MBNL1: variants seen among roughly 807,000 people sequenced by gnomAD.
The protein encoded by MBNL1 is muscleblind-like protein 1.
MBNL1 carries 8 observed loss-of-function variants against 42.2 expected under a neutral mutation model. The observed-to-expected ratio is 0.19, with a 90% confidence interval of 0.11 to 0.34. MBNL1 has a LOEUF of 0.34. Ranked by LOEUF, MBNL1 falls within the 10% of genes least tolerant of loss-of-function variation. MBNL1 has a pLI of 1.00. For synonymous variants in MBNL1, 169 were observed against 173.9 expected (o/e 0.97, Z 0.22); for missense variants, 309 against 495.3 (o/e 0.62, Z 3.57).
intron 2 of MBNL1, among the ~76,000 whole-genome samples, chr3:152,310,070 A>C (rs1233336772): frequency 6.6e-6 from 1 of 152,216 alleles, no homozygotes; most frequent in Non-Finnish European, 1.5e-5. Flanking sequence ...ATATTTTGGA[A>C]ACCGCTGCAT....
At chr3:152,458,343 C>A in intron 8 of MBNL1, 1 of 630,752 alleles carries the variant, frequency 1.6e-6, no homozygotes, top group Non-Finnish European at 2.8e-6. Flanking sequence ...GTTGAATTAG[C>A]CTAAGATGTC....
At chr3:152,346,749 TAGTG>T (rs1254608677) in intron 2 of MBNL1, among the ~76,000 whole-genome samples, 1 of 151,986 alleles carries the variant, frequency 6.6e-6, no homozygotes, top group Non-Finnish European at 1.5e-5. Flanking sequence ...AACACTAAAA[TAGTG>T]AGGGTTTCAT....
intron 2 of MBNL1, among the ~76,000 whole-genome samples, chr3:152,399,086 C>A (rs977703673): frequency 7.2e-5 from 11 of 152,132 alleles, no homozygotes; most frequent in African/African-American, 2.7e-4. Flanking sequence ...TATTTATATG[C>A]GTGCCTTGTT....
chr3:152,277,941 T>C (rs1484719499), intron 1 of MBNL1, among the ~76,000 whole-genome samples: 1 of 152,104 alleles, frequency 6.6e-6, no homozygotes, highest in Non-Finnish European at 1.5e-5. Flanking sequence ...TAGAGAATAA[T>C]GTTGACAGTA....
At chr3:152,270,991 TTTC>T (rs2041282013) in intron 1 of MBNL1, among the ~76,000 whole-genome samples, 1 of 152,158 alleles carries the variant, frequency 6.6e-6, no homozygotes, top group African/African-American at 2.4e-5. Flanking sequence ...AATAATCAGA[TTTC>T]ATTATTACTA....
intron 2 of MBNL1, among the ~76,000 whole-genome samples, chr3:152,386,204 A>T (rs2097412283): frequency 6.6e-6 from 1 of 152,070 alleles, no homozygotes; most frequent in African/African-American, 2.4e-5. Flanking sequence ...TTAGTCAAAT[A>T]ATCTATGAAA....
intron 6 of MBNL1, among the ~76,000 whole-genome samples, chr3:152,453,975 T>G (rs2153934995): frequency 6.6e-6 from 1 of 152,310 alleles, no homozygotes; most frequent in Admixed American, 6.5e-5. Flanking sequence ...TCTTTTCCAA[T>G]TCTCTCACCC....
At chr3:152,253,252 C>T (rs1009141070) in intron 2 of MBNL1, among the ~76,000 whole-genome samples, 3 of 152,060 alleles carry the variant, frequency 2.0e-5, no homozygotes, top group Non-Finnish European at 2.9e-5. Context: ...ATAGTACCAC[C>T]TTACCCCCAT....
chr3:152,306,421 G>A (rs752100800), intron 2 of MBNL1, among the ~76,000 whole-genome samples: 3 of 152,126 alleles, frequency 2.0e-5, no homozygotes, highest in Non-Finnish European at 4.4e-5. Context: ...AAATTGCAAT[G>A]TGGCCACTGC....
At chr3:152,447,443 C>G (rs1222943168) in intron 5 of MBNL1, among the ~76,000 whole-genome samples, 177 bp from the exon 6 acceptor site, 2 of 133,788 alleles carry the variant, frequency 1.5e-5, no homozygotes, top group Admixed American at 7.4e-5. Context: ...TTTTATCTTG[C>G]TTTTTTTTTT....
rs547250138 is a variant in MBNL1 at position 152,418,748 on chromosome 3, ACT to A, written c.345+3640_345+3641del. On this transcript the variant is annotated intron_variant, in intron 3 of 9. Transcript: ENST00000324210. Reference sequence around the variant, plus strand: ...TTTTTTTTTTTTGAGACAGAATCTCACTCTGTTGCCCAGGCTGGAGTGCAGTG... The same window carrying A: ...TTTTTTTTTTTTGAGACAGAATCTCACTGTTGCCCAGGCTGGAGTGCAGTG... Among the ~76,000 whole-genome samples, 482 of 129,288 alleles carry A rather than the reference ACT, an allele frequency of 3.7e-3. 2 individuals carry two copies. The highest frequency in any genetic ancestry group is 0.014 in the African/African-American group (461 of 32,354). 84.8% of individuals were successfully genotyped at this position (129,288 alleles called of 152,430 possible). A position where few individuals can be genotyped will look rare whatever the true frequency, so the allele number is the denominator to read the frequency against.
chr3:152,458,178 A>G, intron 8 of MBNL1: 2 of 1,613,842 alleles, frequency 1.2e-6, no homozygotes, highest in Non-Finnish European at 1.7e-6. Flanking sequence ...CCTGTCCTGC[A>G]GCAGCAGGAA....
At chr3:152,421,232 T>C (rs904539448) in intron 3 of MBNL1, among the ~76,000 whole-genome samples, 9 of 151,944 alleles carry the variant, frequency 5.9e-5, no homozygotes, top group African/African-American at 2.2e-4. Flanking sequence ...CCTAGCAAGA[T>C]AGGCTGTTTG....
At chr3:152,258,953 C>G (rs2035848564) in intron 2 of MBNL1, among the ~76,000 whole-genome samples, 1 of 152,126 alleles carries the variant, frequency 6.6e-6, no homozygotes, top group African/African-American at 2.4e-5. Context: ...GGGACCTTGG[C>G]AAATTATTTA....
chr3:152,273,259 C>G (rs1404747926), intron 1 of MBNL1, among the ~76,000 whole-genome samples: 2 of 152,148 alleles, frequency 1.3e-5, no homozygotes, highest in Non-Finnish European at 2.9e-5. Flanking sequence ...TGTCTCTAGA[C>G]ATATTTTTTA....
At chr3:152,394,575 T>A (rs1560426041) in intron 2 of MBNL1, among the ~76,000 whole-genome samples, 1 of 152,198 alleles carries the variant, frequency 6.6e-6, no homozygotes, top group African/African-American at 2.4e-5. Flanking sequence ...TTATGTGAGA[T>A]CTACTCTTTC....
intron 4 of MBNL1, among the ~76,000 whole-genome samples, chr3:152,435,499 T>C (rs774618812): frequency 6.6e-6 from 1 of 152,236 alleles, no homozygotes; most frequent in Non-Finnish European, 1.5e-5. Context: ...TTATTTTTGC[T>C]TAAGATTGCA....
intron 2 of MBNL1, among the ~76,000 whole-genome samples, chr3:152,306,206 T>G (rs751678743): frequency 7.2e-5 from 11 of 152,372 alleles, no homozygotes; most frequent in Admixed American, 3.9e-4. Flanking sequence ...AGAAGTGATT[T>G]AGACATTTTG....
chr3:152,329,470 G>T (rs1411836360), intron 2 of MBNL1, among the ~76,000 whole-genome samples: 4 of 150,166 alleles, frequency 2.7e-5, no homozygotes, highest in Admixed American at 2.6e-4. Context: ...CTACCAAAAA[G>T]AAAAGAAAAG....
Sources: gnomAD v4.1 joint callset for allele counts (sites outside exome capture counted in the v4.1 genomes callset) on GRCh38, gnomAD v4.1.1 for gene constraint, MANE v1.5 for transcripts, NCBI Gene and HGNC (gene_info 2026-07-23, HGNC 2026-07-21) for gene names.